Variants in PCTP observed in about 807,000 individuals in gnomAD.
The protein encoded by PCTP is START domain-containing protein 2.
Under a neutral mutation model 31.0 loss-of-function variants are expected in PCTP, and 27 were observed. The ratio of observed to expected loss-of-function variants is 0.87; its 90% CI spans 0.64 to 1.20. PCTP has a LOEUF of 1.20. Ranked by LOEUF, PCTP falls within the 50% of genes most tolerant of loss-of-function variation. The probability of loss-of-function intolerance (pLI) is 0.00; values close to 1 mark genes in which losing one functional copy is unlikely to be tolerated. For missense variants in PCTP, 287 were observed against 268.2 expected (o/e 1.07, Z -0.49); for synonymous variants, 108 against 101.2 (o/e 1.07, Z -0.40).
At chr17:55,807,939 C>T (rs543993861) in intron 3 of PCTP, among the ~76,000 whole-genome samples, 3 of 152,138 alleles carry the variant, frequency 2.0e-5, no homozygotes, top group African/African-American at 7.2e-5. Flanking sequence ...ATTCTAAGGG[C>T]AAATAAAGTA....
intron 1 of PCTP, among the ~76,000 whole-genome samples, chr17:55,763,422 A>C (rs1275248716): frequency 6.6e-6 from 1 of 152,102 alleles, no homozygotes; most frequent in Non-Finnish European, 1.5e-5. Context: ...CCTAAAATTT[A>C]TCTGTAAGAA....
intron 1 of PCTP, among the ~76,000 whole-genome samples, chr17:55,753,068 C>G (rs1567708398): frequency 1.3e-5 from 2 of 152,130 alleles, no homozygotes; most frequent in African/African-American, 4.8e-5. Flanking sequence ...ATTCTTTTAT[C>G]TTCTCTGCTA....
chr17:55,753,014 G>T (rs1365255305), intron 1 of PCTP, among the ~76,000 whole-genome samples: 1 of 152,200 alleles, frequency 6.6e-6, no homozygotes, highest in Non-Finnish European at 1.5e-5. Flanking sequence ...GCCTCCCAAA[G>T]TGCTGGGATT....
In PCTP at chr17:55,776,944, A is replaced by G. The variant is rs1911367586; in HGVS notation, c.*844A>G. On this transcript the variant is annotated 3_prime_UTR_variant, in exon 6 of 6. Coordinates refer to ENST00000268896, the MANE Select transcript of PCTP (RefSeq NM_021213.4). Reference sequence around the variant, plus strand: ...TAGCAAAAGCAAAGATGCTTTGTGCATAGCCTTGTGAAAAAGTATCTTTCT... The same window carrying G: ...TAGCAAAAGCAAAGATGCTTTGTGCGTAGCCTTGTGAAAAAGTATCTTTCT... 2.0e-6 allele frequency: 2 copies of G among 986,842 alleles called. No individual in the cohort carries two copies. The highest frequency in any genetic ancestry group is 4.7e-5 in the South Asian group (1 of 21,308). The allele number at this position is 986,842 out of a possible 1,614,324, so 61.1% of individuals were successfully genotyped here. A position where few individuals can be genotyped will look rare whatever the true frequency, so the allele number is the denominator to read the frequency against.
chr17:55,758,457 A>G (rs1297195709), intron 1 of PCTP, among the ~76,000 whole-genome samples: 1 of 152,224 alleles, frequency 6.6e-6, no homozygotes, highest in African/African-American at 2.4e-5. Flanking sequence ...ATTTCACTCT[A>G]TAGATGTGAA....
chr17:55,810,833 C>A (rs1294006383), intron 3 of PCTP, among the ~76,000 whole-genome samples: 1 of 152,196 alleles, frequency 6.6e-6, no homozygotes. Flanking sequence ...AAAACAATAG[C>A]TGGGCAGTGA....
Position 55,789,958 on chromosome 17 carries a change from A to C in PCTP, c.317+2304A>C, listed in dbSNP as rs554167483. On this transcript the variant is annotated intron_variant, in intron 3 of 3. Coordinates refer to the PCTP transcript ENST00000572536. Reference sequence around the variant, plus strand: ...CACATCAAAAAGCTTATCCACCATGATCAAGTGGGCTTCATCCCTGGGATG... The same window carrying C: ...CACATCAAAAAGCTTATCCACCATGCTCAAGTGGGCTTCATCCCTGGGATG... Among the ~76,000 whole-genome samples, 844 of 152,304 alleles carry C rather than the reference A, an allele frequency of 5.5e-3. 9 individuals carry two copies. Among genetic ancestry groups the C allele is most frequent in the African/African-American group, 0.019 (807 of 41,566 alleles).
intron 5 of PCTP, chr17:55,842,566 A>G (rs1195682232): frequency 6.6e-6 from 1 of 152,236 alleles, no homozygotes; most frequent in Non-Finnish European, 1.5e-5. Context: ...TCTTGATGAC[A>G]GGTTGGCATC....
intron 5 of PCTP, among the ~76,000 whole-genome samples, chr17:55,840,911 C>A (rs1181547546): frequency 1.3e-5 from 2 of 152,040 alleles, no homozygotes; most frequent in East Asian, 3.9e-4. Context: ...TTCCAAAATC[C>A]AAAAAAGTCT....
At chr17:55,760,780 G>A (rs528074691) in intron 1 of PCTP, among the ~76,000 whole-genome samples, 1 of 152,236 alleles carries the variant, frequency 6.6e-6, no homozygotes, top group South Asian at 2.1e-4. Context: ...GGGACTCAGG[G>A]GAGCATCTCA....
chr17:55,764,650 G>A (rs1457072293), intron 1 of PCTP, among the ~76,000 whole-genome samples: 3 of 151,990 alleles, frequency 2.0e-5, no homozygotes, highest in Admixed American at 6.6e-5. Flanking sequence ...TTCCTAAACC[G>A]GGATGTATTT....
At chr17:55,850,768 A>G in the PCTP span, among the ~76,000 whole-genome samples, 18 of 152,170 alleles carry the variant, frequency 1.2e-4, no homozygotes, top group South Asian at 2.1e-4. Flanking sequence ...TTTCTCCTCT[A>G]TAAAAAAATC....
At chr17:55,832,023 C>T (rs1420178211) in intron 5 of PCTP, among the ~76,000 whole-genome samples, 2 of 152,050 alleles carry the variant, frequency 1.3e-5, no homozygotes, top group East Asian at 1.9e-4. Context: ...TGCAGCGAGC[C>T]GAGATTGCAC....
intron 1 of PCTP, among the ~76,000 whole-genome samples, chr17:55,752,936 C>T (rs959199588): frequency 6.6e-6 from 1 of 152,082 alleles, no homozygotes; most frequent in Non-Finnish European, 1.5e-5. Context: ...AGAGATGAGG[C>T]CTTGCTATGT....
intron 5 of PCTP, among the ~76,000 whole-genome samples, 153 bp downstream of exon 5, chr17:55,775,012 G>A (rs974228574): frequency 6.6e-5 from 10 of 152,178 alleles, no homozygotes; most frequent in Non-Finnish European, 1.2e-4. Context: ...ACTCTGGTTA[G>A]GGCTGGGGCT....
chr17:55,806,181 G>A (rs1026368427), intron 3 of PCTP, among the ~76,000 whole-genome samples: 2 of 151,990 alleles, frequency 1.3e-5, no homozygotes, highest in Non-Finnish European at 2.9e-5. Context: ...CAGAAAGAGA[G>A]GGGATCTAGA....
intron 3 of PCTP, among the ~76,000 whole-genome samples, chr17:55,795,623 C>G (rs1352771451): frequency 6.6e-6 from 1 of 152,058 alleles, no homozygotes; most frequent in Non-Finnish European, 1.5e-5. Context: ...GAGGTTCTCA[C>G]TTGATTCCTG....
At chr17:55,797,644 C>G (rs1912228111) in intron 3 of PCTP, among the ~76,000 whole-genome samples, 1 of 151,942 alleles carries the variant, frequency 6.6e-6, no homozygotes, top group Non-Finnish European at 1.5e-5. Context: ...TTGTCTACAA[C>G]TACAGAAAAA....
chr17:55,830,969 C>T (rs1460800175), intron 5 of PCTP, among the ~76,000 whole-genome samples: 21 of 152,164 alleles, frequency 1.4e-4, no homozygotes, highest in Admixed American at 1.4e-3. Context: ...CAGATTTGTT[C>T]CTAACAGAAA....
Sources: gnomAD v4.1 joint callset for allele counts (sites outside exome capture counted in the v4.1 genomes callset) on GRCh38, gnomAD v4.1.1 for gene constraint, MANE v1.5 for transcripts, NCBI Gene and HGNC (gene_info 2026-07-23, HGNC 2026-07-21) for gene names.